The following MGRN1 variants were observed in gnomAD, a reference collection of about 807,000 sequenced individuals.
MGRN1 encodes E3 ubiquitin-protein ligase MGRN1.
In MGRN1, 29 loss-of-function variants were observed where a neutral mutation model predicts 69.2. That is an observed-to-expected ratio of 0.42 (90% CI 0.31 to 0.57). The LOEUF (loss-of-function observed/expected upper bound fraction) is 0.57. MGRN1 is among the 20% of genes least tolerant of loss of function. The pLI is 0.15. For missense variants in MGRN1, 998 were observed against 796.2 expected, an observed-to-expected ratio of 1.25 and a Z score of -3.05; for synonymous variants, 470 against 344.2, an observed-to-expected ratio of 1.37 and a Z score of -4.04.
chr16:4,657,422 G>T, intron 5 of MGRN1, 59 bp downstream of exon 5: 1 of 1,519,410 alleles, frequency 6.6e-7, no homozygotes, highest in Admixed American at 1.7e-5. Flanking sequence ...TCCCCTTGGG[G>T]GTGGGGCCAG....
intron 1 of MGRN1, among the ~76,000 whole-genome samples, chr16:4,630,011 C>G (rs979577202): frequency 1.4e-5 from 2 of 147,890 alleles, no homozygotes; most frequent in Admixed American, 6.8e-5. Flanking sequence ...GATCATGCCA[C>G]TGCACTGCAG....
rs746100132 is a variant in MGRN1, at chr16:4,672,494, G to A, written c.796-1004G>A. On this transcript the variant is annotated intron_variant, in intron 9 of 16. Coordinates refer to ENST00000262370, the MANE Select transcript of MGRN1 (RefSeq NM_015246.4). Reference sequence around the variant, plus strand: ...CGTGGCGGGAGCGGAGCACCTGGCCGGGCCTCGCCTCAACCCAGGGAAGTC... The same window carrying A: ...CGTGGCGGGAGCGGAGCACCTGGCCAGGCCTCGCCTCAACCCAGGGAAGTC... 6 of 456,488 alleles carry A rather than the reference G, an allele frequency of 1.3e-5. 1 individual carries two copies. Among genetic ancestry groups the A allele is most frequent in the South Asian group, 7.7e-5 (5 of 64,558 alleles). 28.3% of individuals were successfully genotyped at this position (456,488 alleles called of 1,614,324 possible). A position where few individuals can be genotyped will look rare whatever the true frequency, so the allele number is the denominator to read the frequency against.
chr16:4,682,029 C>T (rs571441290), intron 13 of MGRN1, among the ~76,000 whole-genome samples: 7 of 151,716 alleles, frequency 4.6e-5, no homozygotes, highest in Admixed American at 2.0e-4. Context: ...GGCGTGCAGG[C>T]GCATACGTGC....
intron 1 of MGRN1, among the ~76,000 whole-genome samples, chr16:4,625,621 A>T (rs1897637247): frequency 6.6e-6 from 1 of 152,126 alleles, no homozygotes; most frequent in African/African-American, 2.4e-5. Context: ...CCCAGCCGAT[A>T]CTCGGGCCTC....
Position 4,624,949 on chromosome 16 carries a change from G to C in MGRN1, c.-12G>C, listed in dbSNP as rs763056376. On this transcript the variant is annotated 5_prime_UTR_variant, in exon 1 of 17. Coordinates refer to ENST00000262370, the MANE Select transcript of MGRN1 (RefSeq NM_015246.4). ...CCGGCCCTGGCCCCTCTGCCCGGCAGCGCCGCGCACCATGGGCTCCATTCT... is the reference window on the plus strand; with the variant it reads ...CCGGCCCTGGCCCCTCTGCCCGGCACCGCCGCGCACCATGGGCTCCATTCT... 11 of 1,535,478 alleles carry C rather than the reference G, an allele frequency of 7.2e-6. No individual in the cohort carries two copies. In the South Asian group the frequency reaches 1.2e-4, roughly 17 times the overall value.
Position 4,673,489 on chromosome 16 carries a change from T to A in MGRN1, c.796-9T>A. 6.2e-7 allele frequency: 1 copy of A among 1,610,948 alleles called. No individual in the cohort carries two copies. Among genetic ancestry groups the A allele is most frequent in the South Asian group, 1.1e-5 (1 of 91,002 alleles). On this transcript the variant is annotated splice_polypyrimidine_tract_variant and intron_variant, in intron 9 of 16. Coordinates refer to ENST00000262370, the MANE Select transcript of MGRN1 (RefSeq NM_015246.4). ...GAGGCTGCTGACCCACAAGCCCTTG[T>A]CCCGGCAGCCCTCGGACGACGAGAA...
At chr16:4,684,033 C>A (rs1050406263) in intron 16 of MGRN1, 101 bp downstream of exon 16, 18 of 1,025,614 alleles carry the variant, frequency 1.8e-5, no homozygotes, top group Non-Finnish European at 2.6e-5. Context: ...CAGAGGCTGT[C>A]CATTGGAGCC....
chr16:4,660,848 C>A (rs1226664422), intron 5 of MGRN1, among the ~76,000 whole-genome samples: 1 of 152,212 alleles, frequency 6.6e-6, no homozygotes, highest in East Asian at 1.9e-4. Flanking sequence ...GACAGGCCCC[C>A]CAGACCGGGG....
Position 4,690,742 on chromosome 16 carries a change from C to T in MGRN1, c.*1834C>T, listed in dbSNP as rs1357391924. The T allele has an allele frequency of 6.6e-6, 1 of 151,290 alleles. No individual in the cohort carries two copies. Among genetic ancestry groups the T allele is most frequent in the Non-Finnish European group, 1.5e-5 (1 of 67,782 alleles). The allele number at this position is 151,290 out of a possible 1,614,324, so 9.4% of individuals were successfully genotyped here. ...TCTACCCCACCCCAAGCACCTCTCT[C>T]CCCCCATGCACCTCTCCCCAACAAC... On this transcript the variant is annotated 3_prime_UTR_variant, in exon 17 of 17. Transcript: ENST00000262370.
intron 16 of MGRN1, among the ~76,000 whole-genome samples, chr16:4,685,794 T>A (rs1052555539): frequency 6.6e-6 from 1 of 152,206 alleles, no homozygotes; most frequent in African/African-American, 2.4e-5. Context: ...AGCCTTTGGT[T>A]TCTCATAGGG....
chr16:4,665,231 C>T (rs886806274), intron 7 of MGRN1, 80 bp downstream of exon 7: 8 of 1,510,464 alleles, frequency 5.3e-6, no homozygotes, highest in African/African-American at 4.1e-5. Flanking sequence ...GAAGCCTGAG[C>T]AGGGGCTGGG....
At position 4,677,633 on chromosome 16, in the gene MGRN1, C is replaced by A. The variant is rs1056225282; in HGVS notation, c.1065+61C>A. 5.3e-6 allele frequency: 8 copies of A among 1,504,368 alleles called. No homozygotes were observed. In the African/African-American group the frequency reaches 5.5e-5, roughly 10 times the overall value. 93.2% of individuals were successfully genotyped at this position (1,504,368 alleles called of 1,614,324 possible). ...GAGGGGCATGAGTGCCTGGGCCAGG[C>A]GCAAGGCCCAGACGGTCCAGCCAGC... On this transcript the variant is annotated intron_variant, in intron 11 of 16. Transcript: ENST00000262370.
At chr16:4,630,864 T>C (rs1897966714) in intron 1 of MGRN1, among the ~76,000 whole-genome samples, 1 of 151,324 alleles carries the variant, frequency 6.6e-6, no homozygotes, top group Non-Finnish European at 1.5e-5. Context: ...TCATTCAGGC[T>C]AGAGTATAGC....
At chr16:4,673,401 G>C in intron 9 of MGRN1, 97 bp from the exon 10 acceptor site, 6 of 1,484,458 alleles carry the variant, frequency 4.0e-6, no homozygotes, top group Non-Finnish European at 5.5e-6. Context: ...CAGCCCCCAG[G>C]GTAGGGTGGA....
chr16:4,661,409 GCTCCT>G, intron 5 of MGRN1, among the ~76,000 whole-genome samples: 1 of 152,218 alleles, frequency 6.6e-6, no homozygotes, highest in Non-Finnish European at 1.5e-5. Flanking sequence ...GGCTGGGTCG[GCTCCT>G]GTTGCCTGGA....
At position 4,673,930 on chromosome 16, in the gene MGRN1, G is replaced by C. The variant is rs537434050; in HGVS notation, c.955+273G>C. On this transcript the variant is annotated intron_variant, in intron 10 of 16. Transcript: ENST00000262370. ...AACAAAGGGCTACAGAGGCGCTCCA[G>C]GGCAGATGAACTGAACGAAAATTGA... 2.0e-5 allele frequency among the ~76,000 whole-genome samples: 3 copies of C among 152,330 alleles called. No homozygotes were observed. The South Asian group carries it at 6.2e-4, about 32-fold the overall frequency.
intron 10 of MGRN1, 48 bp downstream of exon 10, chr16:4,673,705 A>G: frequency 2.5e-6 from 4 of 1,600,632 alleles, no homozygotes; most frequent in Non-Finnish European, 3.4e-6. Flanking sequence ...GAAATTAGGG[A>G]CTGGCCACAC....
chr16:4,673,973 T>C (rs1244935780), intron 10 of MGRN1, among the ~76,000 whole-genome samples: 1 of 152,184 alleles, frequency 6.6e-6, no homozygotes, highest in Non-Finnish European at 1.5e-5. Flanking sequence ...ATGAAATCTT[T>C]ATTCTTATTT....
chr16:4,686,410 T>A, intron 16 of MGRN1: 2 of 1,460,822 alleles, frequency 1.4e-6, no homozygotes, highest in Non-Finnish European at 1.8e-6. Context: ...TGGGTCTTCG[T>A]CCGCATCCGC....
Sources: gnomAD v4.1 joint callset for allele counts (sites outside exome capture counted in the v4.1 genomes callset) on GRCh38, gnomAD v4.1.1 for gene constraint, MANE v1.5 for transcripts, NCBI Gene and HGNC (gene_info 2026-07-23, HGNC 2026-07-21) for gene names.